The following C10orf53 variants were observed in gnomAD, a reference collection of about 807,000 sequenced individuals.
C10orf53 encodes the protein chromosome 10 open reading frame 53.
A neutral mutation model predicts 9.4 loss-of-function variants in C10orf53; 8 were observed. The ratio of observed to expected loss-of-function variants is 0.85; its 90% CI spans 0.50 to 1.53. The LOEUF is 1.53. Ranked by LOEUF, C10orf53 falls within the 40% of genes most tolerant of loss-of-function variation. C10orf53 has a pLI of 0.00. For missense variants in C10orf53, 117 were observed against 117.8 expected (o/e 0.99, Z 0.03); for synonymous variants, 48 against 46.0 (o/e 1.04, Z -0.18).
chr10:49,685,766 C>G (rs569105218), intron 1 of C10orf53, among the ~76,000 whole-genome samples: 1 of 152,240 alleles, frequency 6.6e-6, no homozygotes, highest in South Asian at 2.1e-4. Context: ...AAGATTCTCT[C>G]TTTGTCTTTT....
rs1197166191 is a variant in C10orf53, at chr10:49,682,561, GGC to G, written c.97+2770_97+2771del. 4.5e-3 allele frequency among the ~76,000 whole-genome samples: 7 copies of G among 1,540 alleles called. 2 individuals carry two copies. The South Asian group carries it at 0.14, about 31-fold the overall frequency. 1.0% of individuals were successfully genotyped at this position (1,540 alleles called of 152,430 possible). A position where few individuals can be genotyped will look rare whatever the true frequency, so the allele number is the denominator to read the frequency against. On this transcript the variant is annotated intron_variant, in intron 1 of 2. Transcript: ENST00000374111. ...GGGACAGGAGCCAGTTGCTGCTGCT[GGC>G]GCAGGGGGACAGGAGCCAGTTGCTG...
intron 2 of C10orf53, among the ~76,000 whole-genome samples, chr10:49,703,277 A>C (rs1401149191): frequency 6.6e-6 from 1 of 152,022 alleles, no homozygotes; most frequent in Non-Finnish European, 1.5e-5. Flanking sequence ...AGTCATAGTT[A>C]CTCCTTTACC....
chr10:49,708,801 G>A, exon 3 of C10orf53: 1 of 766,252 alleles, frequency 1.3e-6, no homozygotes, highest in Admixed American at 2.9e-5. Context: ...ATTCTCCCCA[G>A]CTCTGAGTCT....
chr10:49,694,643 G>C lies in C10orf53; in HGVS notation c.*41G>C. 1 of 1,612,696 alleles carries C rather than the reference G, an allele frequency of 6.2e-7. No homozygotes were observed. The highest frequency in any genetic ancestry group is 8.5e-7 in the Non-Finnish European group (1 of 1,179,802). On this transcript the variant is annotated 3_prime_UTR_variant, in exon 3 of 3. Transcript: ENST00000374111. ...GGCATCTCAAGTCGGCACAACAGCA[G>C]CTGCCCCAGCCATTCTATGATGCAG...
chr10:49,702,480 G>C (rs962276337), downstream of C10orf53, among the ~76,000 whole-genome samples: 2 of 152,324 alleles, frequency 1.3e-5, no homozygotes, highest in Admixed American at 1.3e-4. Context: ...AATCTGAATA[G>C]AGTGAAAGGT....
chr10:49,683,597 G>A (rs1840499551), intron 1 of C10orf53, among the ~76,000 whole-genome samples: 5 of 152,014 alleles, frequency 3.3e-5, no homozygotes. Flanking sequence ...ATTGTCTGCT[G>A]GGCATGGTGG....
Position 49,696,213 on chromosome 10 carries a change from CTT to C in C10orf53, c.*1617_*1618del, listed in dbSNP as rs933234446. Reference sequence around the variant, plus strand: ...GGGTACATGGGCAGGTATGTTGAATCTTTTTTTAAACGTAACATTTTACATAG... The same window carrying C: ...GGGTACATGGGCAGGTATGTTGAATCTTTTTAAACGTAACATTTTACATAG... On this transcript the variant is annotated 3_prime_UTR_variant, in exon 3 of 3. Transcript: ENST00000374111. Among the ~76,000 whole-genome samples the C allele has an allele frequency of 6.6e-6, 1 of 152,058 alleles. No homozygotes were observed. Among genetic ancestry groups the C allele is most frequent in the Non-Finnish European group, 1.5e-5 (1 of 68,008 alleles).
At position 49,694,984 on chromosome 10, in the gene C10orf53, C is replaced by A; in HGVS notation, c.*382C>A. On this transcript the variant is annotated 3_prime_UTR_variant, in exon 3 of 3. Transcript: ENST00000374111. The stretch of plus-strand genomic sequence containing the variant: ...TGTTTAGTACTCAAAGTGCTCAGAA[C>A]AGGTGAAATTAAAGAGAGGTTGGGG... The A allele has an allele frequency of 2.0e-6, 2 of 992,494 alleles. No individual in the cohort carries two copies. Among genetic ancestry groups the A allele is most frequent in the African/African-American group, 3.5e-5 (2 of 57,896 alleles). The allele number at this position is 992,494 out of a possible 1,614,324, so 61.5% of individuals were successfully genotyped here.
intron 2 of C10orf53, among the ~76,000 whole-genome samples, chr10:49,704,697 T>C (rs1453574109): frequency 6.6e-6 from 1 of 152,090 alleles, no homozygotes; most frequent in Non-Finnish European, 1.5e-5. Flanking sequence ...TGAGTCGAGA[T>C]TGCACCACTG....
intron 1 of C10orf53, among the ~76,000 whole-genome samples, chr10:49,688,538 G>A (rs1840551119): frequency 6.6e-6 from 1 of 152,046 alleles, no homozygotes; most frequent in Non-Finnish European, 1.5e-5. Flanking sequence ...TTACCCCTGA[G>A]AACATTCCAG....
chr10:49,682,057 C>A (rs1840484031), intron 1 of C10orf53, among the ~76,000 whole-genome samples: 1 of 152,148 alleles, frequency 6.6e-6, no homozygotes, highest in African/African-American at 2.4e-5. Context: ...TCATAATCTA[C>A]CTTTAGTTTA....
chr10:49,699,859 C>G (rs1840667603), downstream of C10orf53, among the ~76,000 whole-genome samples: 1 of 151,544 alleles, frequency 6.6e-6, no homozygotes, highest in African/African-American at 2.4e-5. Context: ...GTTCTGTGAT[C>G]AGGTACAAGA....
In C10orf53 at chr10:49,695,143, C is replaced by G. The variant is rs557789204; in HGVS notation, c.*541C>G. The G allele has an allele frequency of 5.7e-5, 12 of 210,660 alleles. No homozygotes were observed. The highest frequency in any genetic ancestry group is 9.1e-5 in the Non-Finnish European group (11 of 121,286). 13.0% of individuals were successfully genotyped at this position (210,660 alleles called of 1,614,324 possible). On this transcript the variant is annotated 3_prime_UTR_variant, in exon 3 of 3. Transcript: ENST00000374111. ...TTTTAAATTGCTATTATAAAATTAG[C>G]CAAAATCAAATCTTCAATTTCTCTC...
chr10:49,689,204 G>A (rs555589306), intron 1 of C10orf53, among the ~76,000 whole-genome samples: 6 of 152,250 alleles, frequency 3.9e-5, no homozygotes, highest in South Asian at 2.1e-4. Context: ...ACAGCCCCCC[G>A]AGGGCAGGGT....
downstream of C10orf53, among the ~76,000 whole-genome samples, chr10:49,699,263 A>G (rs1164548925): frequency 1.5e-5 from 2 of 130,578 alleles, no homozygotes. Flanking sequence ...GCACAGTCAT[A>G]GCTCACTGCA....
chr10:49,680,688 G>A (rs79941104), intron 1 of C10orf53, among the ~76,000 whole-genome samples: 117 of 152,310 alleles, frequency 7.7e-4, no homozygotes, highest in African/African-American at 2.7e-3. Flanking sequence ...AGACAAGTCT[G>A]TTGGGGTGGT....
intron 2 of C10orf53, 189 bp downstream of exon 2, chr10:49,694,082 G>C: frequency 1.5e-5 from 11 of 730,002 alleles, no homozygotes; most frequent in Non-Finnish European, 2.2e-5. Flanking sequence ...ACACAGTAAA[G>C]TGTGTGATGC....
chr10:49,687,353 A>G (rs1019904743), intron 1 of C10orf53, among the ~76,000 whole-genome samples: 1 of 152,206 alleles, frequency 6.6e-6, no homozygotes, highest in African/African-American at 2.4e-5. Flanking sequence ...CTCCCCATCT[A>G]GTTTGTCCAC....
At chr10:49,700,026 A>C (rs1590647561), downstream of C10orf53, among the ~76,000 whole-genome samples, 1 of 152,176 alleles carries the variant, frequency 6.6e-6, no homozygotes, top group East Asian at 1.9e-4. Context: ...GAGGAAGTTA[A>C]GAGCTGAGAC....
Sources: gnomAD v4.1 joint callset for allele counts (sites outside exome capture counted in the v4.1 genomes callset) on GRCh38, gnomAD v4.1.1 for gene constraint, MANE v1.5 for transcripts, NCBI Gene and HGNC (gene_info 2026-07-23, HGNC 2026-07-21) for gene names.